CERT1: variants seen among roughly 807,000 people sequenced by gnomAD.
CERT1 encodes ceramide transporter 1.
Under a neutral mutation model 87.9 loss-of-function variants are expected in CERT1, and 31 were observed. That is an observed-to-expected ratio of 0.35 (90% CI 0.27 to 0.48). CERT1 has a LOEUF of 0.48. Ranked by LOEUF, CERT1 falls within the 20% of genes least tolerant of loss-of-function variation. CERT1 has a pLI of 0.99. For synonymous variants in CERT1, 289 were observed against 250.9 expected, an observed-to-expected ratio of 1.15 and a Z score of -1.44; for missense variants, 487 against 758.0, an observed-to-expected ratio of 0.64 and a Z score of 4.20.
At chr5:75,479,847 G>T (rs1409206698) in intron 2 of CERT1, among the ~76,000 whole-genome samples, 1 of 152,052 alleles carries the variant, frequency 6.6e-6, no homozygotes, top group Non-Finnish European at 1.5e-5. Flanking sequence ...TTTGCTTTTA[G>T]CTCTGTGAGG....
At chr5:75,413,393 C>G (rs1763009639) in intron 7 of CERT1, among the ~76,000 whole-genome samples, 1 of 152,076 alleles carries the variant, frequency 6.6e-6, no homozygotes, top group Non-Finnish European at 1.5e-5. Context: ...TCATTAGACC[C>G]AAAGATTTCA....
intron 9 of CERT1, chr5:75,400,837 T>C (rs1283271424): frequency 1.3e-5 from 2 of 152,152 alleles, no homozygotes; most frequent in Admixed American, 6.6e-5. Flanking sequence ...CCACTTGCCC[T>C]TCTTCCTCTT....
intron 3 of CERT1, among the ~76,000 whole-genome samples, chr5:75,433,052 T>C (rs1763939803): frequency 6.6e-6 from 1 of 152,202 alleles, no homozygotes; most frequent in South Asian, 2.1e-4. Flanking sequence ...ATTCCACTGG[T>C]CATGTGTCTG....
intron 2 of CERT1, among the ~76,000 whole-genome samples, chr5:75,486,064 C>T (rs564536518): frequency 1.3e-5 from 2 of 151,848 alleles, no homozygotes; most frequent in Non-Finnish European, 2.9e-5. Context: ...AGAAAATTGC[C>T]GGCCAATATC....
At chr5:75,434,640 GTT>G (rs1016576077) in intron 3 of CERT1, among the ~76,000 whole-genome samples, 1 of 143,820 alleles carries the variant, frequency 7.0e-6, no homozygotes. Flanking sequence ...TGATTGGTAG[GTT>G]TTTTTTTTTT....
At chr5:75,477,830 C>T (rs1015303292) in intron 2 of CERT1, among the ~76,000 whole-genome samples, 6 of 152,072 alleles carry the variant, frequency 3.9e-5, no homozygotes, top group African/African-American at 1.4e-4. Context: ...TTTTCATTTA[C>T]TAATTGTTTT....
chr5:75,403,068 C>A lies in CERT1; in HGVS notation c.931-10G>T. 6.3e-7 allele frequency: 1 copy of A among 1,586,004 alleles called. No individual in the cohort carries two copies. The highest frequency in any genetic ancestry group is 1.1e-5 in the South Asian group (1 of 89,772). ...GACTGTTAGGGCCTTCCTATTCCAA[C>A]ACACAGTGGAGAAAAAAGCAGTTTA... On this transcript the variant is annotated splice_polypyrimidine_tract_variant and intron_variant, in intron 8 of 16. Coordinates refer to ENST00000643780, the MANE Select transcript of CERT1 (RefSeq NM_001379029.1).
rs542742376 is a variant in CERT1, at chr5:75,445,804, T to C, written c.348+13261A>G. ...GCCACCATGCCTGGCTCCACAAATA[T>C]AGGCATCTTGGTTGACAGTTCTTTC... On this transcript the variant is annotated intron_variant, in intron 3 of 16. Coordinates refer to ENST00000643780, the MANE Select transcript of CERT1 (RefSeq NM_001379029.1). 1.2e-4 allele frequency among the ~76,000 whole-genome samples: 18 copies of C among 152,308 alleles called. 1 individual carries two copies. The South Asian group carries it at 3.1e-3, about 26-fold the overall frequency.
rs1554040418 is a variant in CERT1 at position 75,437,781 on chromosome 5, A to AAG, written c.349-11304_349-11303insCT. The stretch of plus-strand genomic sequence containing the variant: ...ACTCTGTCTCATTAAAAAAAAAAAA[A>AAG]AAAAAGAAAAAAGAAAAGATAGTAT... On this transcript the variant is annotated intron_variant, in intron 3 of 16. Coordinates refer to ENST00000643780, the MANE Select transcript of CERT1 (RefSeq NM_001379029.1). Among the ~76,000 whole-genome samples, 8 of 150,398 alleles carry AAG rather than the reference A, an allele frequency of 5.3e-5. No homozygotes were observed. In the East Asian group the frequency reaches 7.8e-4, roughly 15 times the overall value.
chr5:75,451,340 A>G (rs1011317833), intron 3 of CERT1, among the ~76,000 whole-genome samples: 30 of 152,092 alleles, frequency 2.0e-4, no homozygotes, highest in Admixed American at 1.3e-3. Flanking sequence ...CTATGTACTG[A>G]TTTTTCTACA....
chr5:75,483,432 A>G (rs1766348726), intron 2 of CERT1, among the ~76,000 whole-genome samples: 1 of 152,066 alleles, frequency 6.6e-6, no homozygotes, highest in South Asian at 2.1e-4. Flanking sequence ...CTTAAAGTAT[A>G]AATAGAGAGT....
At position 75,426,434 on chromosome 5, in the gene CERT1, G is replaced by C; in HGVS notation, c.393C>G (p.Gly131=). The C allele has an allele frequency of 6.2e-7, 1 of 1,613,668 alleles. No homozygotes were observed. The highest frequency in any genetic ancestry group is 8.5e-7 in the Non-Finnish European group (1 of 1,179,798). Reference sequence around the variant, plus strand: ...CTCCAGACACCAGGGACACCATTGAGCCATGTCGACGCAAGCTGGATTCAG... The same window carrying C: ...CTCCAGACACCAGGGACACCATTGACCCATGTCGACGCAAGCTGGATTCAG... The part of the protein sequence containing the change: ...YGSESSLRRH[G]SMVSLVSGAS... Residue 131 remains glycine (G), a synonymous_variant, in exon 4 of 17, where the codon GGC becomes GGG. Transcript: ENST00000643780.
At chr5:75,491,573 C>T (rs1407771473) in intron 2 of CERT1, among the ~76,000 whole-genome samples, 1 of 152,142 alleles carries the variant, frequency 6.6e-6, no homozygotes, top group African/African-American at 2.4e-5. Flanking sequence ...CACTAGTGCT[C>T]CTTCTGTCTT....
At chr5:75,479,650 T>C (rs1444877743) in intron 2 of CERT1, among the ~76,000 whole-genome samples, 1 of 152,244 alleles carries the variant, frequency 6.6e-6, no homozygotes, top group African/African-American at 2.4e-5. Context: ...TAGTATTCCA[T>C]GGTGTCTATG....
intron 3 of CERT1, among the ~76,000 whole-genome samples, chr5:75,428,877 ATT>A (rs1405707854): frequency 6.6e-6 from 1 of 151,982 alleles, no homozygotes; most frequent in Non-Finnish European, 1.5e-5. Flanking sequence ...CTTGTGTCCT[ATT>A]ATCTCTTCAA....
At chr5:75,388,217 C>T (rs750964198) in intron 12 of CERT1, among the ~76,000 whole-genome samples, 11 of 152,180 alleles carry the variant, frequency 7.2e-5, no homozygotes, top group Non-Finnish European at 1.6e-4. Flanking sequence ...TTATAGCTAA[C>T]ATTCTGGTAT....
At chr5:75,371,948 A>C (rs1761099130) in intron 17 of CERT1, 1 of 152,194 alleles carries the variant, frequency 6.6e-6, no homozygotes, top group African/African-American at 2.4e-5. Flanking sequence ...TCCCCAATTT[A>C]TTTCTCAATC....
At position 75,454,082 on chromosome 5, in the gene CERT1, T is replaced by A. The variant is rs565053536; in HGVS notation, c.348+4983A>T. ...GTGCACTGATGAAGTAACTGTGAAATGAACTGAATAAGCTGGAATTATGGG... is the reference window on the plus strand; with the variant it reads ...GTGCACTGATGAAGTAACTGTGAAAAGAACTGAATAAGCTGGAATTATGGG... On this transcript the variant is annotated intron_variant, in intron 3 of 16. Coordinates refer to ENST00000643780, the MANE Select transcript of CERT1 (RefSeq NM_001379029.1). Among the ~76,000 whole-genome samples, 5 of 152,272 alleles carry A rather than the reference T, an allele frequency of 3.3e-5. No homozygotes were observed. The South Asian group carries it at 8.3e-4, about 25-fold the overall frequency.
intron 1 of CERT1, among the ~76,000 whole-genome samples, chr5:75,508,348 T>C (rs74441870): frequency 0.031 from 4,777 of 152,300 alleles, 234 homozygotes; most frequent in African/African-American, 0.11. Flanking sequence ...GGAAGAGTTA[T>C]ACATAGCTAA....
Sources: allele counts gnomAD v4.1 joint callset (sites outside exome capture counted in the v4.1 genomes callset), GRCh38; gene constraint gnomAD v4.1.1; transcripts MANE v1.5; gene names NCBI Gene and HGNC (gene_info 2026-07-23, HGNC 2026-07-21).